The following XKR9 variants were observed in gnomAD, a reference collection of about 807,000 sequenced individuals.
The protein encoded by XKR9 is XK related 9.
A neutral mutation model predicts 32.0 loss-of-function variants in XKR9; 32 were observed. The ratio of observed to expected loss-of-function variants is 1.00; its 90% CI spans 0.76 to 1.34. The LOEUF is 1.34. Ranked by LOEUF, XKR9 falls within the 40% of genes most tolerant of loss-of-function variation. The probability of loss-of-function intolerance (pLI) is 0.00; values close to 1 mark genes in which losing one functional copy is unlikely to be tolerated. For missense variants in XKR9, 546 were observed against 429.7 expected (o/e 1.27, Z -2.39); for synonymous variants, 168 against 143.4 (o/e 1.17, Z -1.22).
At chr8:71,012,432 C>T in the XKR9 span, among the ~76,000 whole-genome samples, 1 of 152,092 alleles carries the variant, frequency 6.6e-6, no homozygotes, top group African/African-American at 2.4e-5. Context: ...AAAAGTGCAC[C>T]ATTAACTTAA....
the XKR9 span, among the ~76,000 whole-genome samples, chr8:70,795,631 C>G: frequency 6.6e-6 from 1 of 152,122 alleles, no homozygotes; most frequent in Non-Finnish European, 1.5e-5. Flanking sequence ...TCTCCATAAC[C>G]TTGTCAGCAT....
the XKR9 span, among the ~76,000 whole-genome samples, chr8:70,885,876 G>C: frequency 6.6e-6 from 1 of 152,014 alleles, no homozygotes; most frequent in Admixed American, 6.5e-5. Flanking sequence ...GATTACAGGC[G>C]TGAGCCATTG....
At chr8:70,832,589 A>G in the XKR9 span, among the ~76,000 whole-genome samples, 1 of 152,164 alleles carries the variant, frequency 6.6e-6, no homozygotes, top group Non-Finnish European at 1.5e-5. Context: ...TAAATGCTCA[A>G]ATGCTGTGTA....
chr8:71,047,711 T>A, the XKR9 span, among the ~76,000 whole-genome samples: 1 of 152,214 alleles, frequency 6.6e-6, no homozygotes, highest in East Asian at 1.9e-4. Flanking sequence ...AGGGTTGGGA[T>A]CACATTTTTC....
chr8:71,036,938 T>C, the XKR9 span, among the ~76,000 whole-genome samples: 1 of 147,174 alleles, frequency 6.8e-6, no homozygotes, highest in Admixed American at 6.9e-5. Flanking sequence ...GCTCTCAAAC[T>C]CCTGAGCTTA....
chr8:70,838,870 T>C, the XKR9 span, among the ~76,000 whole-genome samples: 1 of 152,108 alleles, frequency 6.6e-6, no homozygotes. Flanking sequence ...TTGCTCTTTA[T>C]GAGACATTTT....
At chr8:70,932,572 T>G in the XKR9 span, among the ~76,000 whole-genome samples, 2 of 152,158 alleles carry the variant, frequency 1.3e-5, no homozygotes, top group Non-Finnish European at 2.9e-5. Flanking sequence ...CCTGTCATAA[T>G]AAAGTATTAT....
At chr8:70,817,643 C>T in the XKR9 span, among the ~76,000 whole-genome samples, 49 of 152,078 alleles carry the variant, frequency 3.2e-4, 2 homozygotes, top group East Asian at 8.7e-3. Flanking sequence ...TTCATATGGG[C>T]CCCCAAAAAG....
chr8:70,675,354 T>G (rs1338516138), intron 2 of XKR9, among the ~76,000 whole-genome samples: 3 of 152,158 alleles, frequency 2.0e-5, no homozygotes, highest in Non-Finnish European at 4.4e-5. Context: ...TCGAACCCAC[T>G]GTCTTTGATA....
intron 3 of XKR9, chr8:70,683,451 A>G: frequency 2.4e-6 from 1 of 417,332 alleles, no homozygotes; most frequent in Non-Finnish European, 4.7e-6. Flanking sequence ...TTTATTTTTT[A>G]TTTCTTCTTG....
Position 70,734,030 on chromosome 8 carries a change from T to C in XKR9, c.728T>C (p.Ile243Thr). ...FLLLFLWLLG[I>T]IWAFKNNTQF... is the part of the protein sequence containing the mutation. ...TTGTTATTTCTTTGGTTGTTAGGTA[T>C]AATATGGGCATTTAAAAACAACACC... The change falls in exon 5 of 5, where the codon ATA (isoleucine) becomes ACA (threonine). Residue 243 changes from isoleucine to threonine, a missense_variant. Physicochemically the swap from Ile to Thr is moderately conservative, Grantham distance 89 (BLOSUM62 -1). Transcript: ENST00000408926. 1.2e-6 allele frequency: 2 copies of C among 1,613,488 alleles called. No individual in the cohort carries two copies. Among genetic ancestry groups the C allele is most frequent in the Non-Finnish European group, 1.7e-6 (2 of 1,179,750 alleles).
chr8:70,819,040 C>T, the XKR9 span, among the ~76,000 whole-genome samples: 1 of 152,066 alleles, frequency 6.6e-6, no homozygotes, highest in Non-Finnish European at 1.5e-5. Context: ...GTTAAAATCA[C>T]ACCATTTCAT....
the XKR9 span, among the ~76,000 whole-genome samples, chr8:70,820,026 A>C: frequency 2.0e-5 from 3 of 152,332 alleles, no homozygotes; most frequent in Admixed American, 1.3e-4. Flanking sequence ...AGTTCAGAAC[A>C]TGTTACTCCA....
At chr8:70,746,357 G>C (rs1807058855) in intron 2 of XKR9, among the ~76,000 whole-genome samples, 1 of 143,708 alleles carries the variant, frequency 7.0e-6, no homozygotes, top group African/African-American at 2.5e-5. Flanking sequence ...AGAATATAAA[G>C]AATATAATTA....
At chr8:70,778,275 C>T (rs1807561250) in intron 2 of XKR9, among the ~76,000 whole-genome samples, 1 of 152,132 alleles carries the variant, frequency 6.6e-6, no homozygotes, top group African/African-American at 2.4e-5. Context: ...GGTGTTATTT[C>T]TGAGGCCTCT....
chr8:70,685,046 G>A (rs542063006), intron 3 of XKR9, among the ~76,000 whole-genome samples: 156 of 147,988 alleles, frequency 1.1e-3, no homozygotes, highest in African/African-American at 3.7e-3. Context: ...ACGTGCACAC[G>A]TATGTTGATT....
the XKR9 span, among the ~76,000 whole-genome samples, chr8:70,917,019 T>C: frequency 2.0e-5 from 3 of 152,216 alleles, no homozygotes; most frequent in African/African-American, 7.2e-5. Context: ...GTTGCTTCAC[T>C]GTCCATGAAT....
chr8:71,058,184 A>AT, the XKR9 span, among the ~76,000 whole-genome samples: 3 of 152,158 alleles, frequency 2.0e-5, no homozygotes, highest in African/African-American at 4.8e-5. Context: ...GTCTCAAAAA[A>AT]AAAATAAAAT....
chr8:71,057,061 T>A, the XKR9 span, among the ~76,000 whole-genome samples: 1 of 152,136 alleles, frequency 6.6e-6, no homozygotes, highest in Non-Finnish European at 1.5e-5. Context: ...CCCCTTCATT[T>A]TATTATTGAA....
Sources: allele counts gnomAD v4.1 joint callset (sites outside exome capture counted in the v4.1 genomes callset), GRCh38; gene constraint gnomAD v4.1.1; transcripts MANE v1.5; gene names NCBI Gene and HGNC (gene_info 2026-07-23, HGNC 2026-07-21).